The following TTC29 variants were observed in gnomAD, a reference collection of about 807,000 sequenced individuals.
The protein encoded by TTC29 is tetratricopeptide repeat domain 29.
TTC29 carries 49 observed loss-of-function variants against 58.1 expected under a neutral mutation model. That is an observed-to-expected ratio of 0.84 (90% CI 0.67 to 1.07). TTC29 has a LOEUF of 1.07. Ranked by LOEUF, TTC29 falls within the 50% of genes least tolerant of loss-of-function variation. TTC29 has a pLI of 0.00. For missense variants in TTC29, 582 were observed against 555.6 expected, an observed-to-expected ratio of 1.05 and a Z score of -0.48; for synonymous variants, 209 against 196.8, an observed-to-expected ratio of 1.06 and a Z score of -0.52.
intron 11 of TTC29, among the ~76,000 whole-genome samples, chr4:146,788,563 C>G (rs1005520507): frequency 3.3e-5 from 5 of 151,732 alleles, no homozygotes; most frequent in Non-Finnish European, 5.9e-5. Flanking sequence ...AGAAAAACTT[C>G]CCACACCATT....
Position 146,851,342 on chromosome 4 carries a change from G to T in TTC29, c.885+16156C>A, listed in dbSNP as rs185631120. On this transcript the variant is annotated intron_variant, in intron 8 of 12. Coordinates refer to ENST00000325106, the MANE Select transcript of TTC29 (RefSeq NM_031956.4). ...TTCAGGATTAGAAGTGTCAGGAACAGGATTTGCAGTCAGGCACTGTGATTC... is the reference window on the plus strand; with the variant it reads ...TTCAGGATTAGAAGTGTCAGGAACATGATTTGCAGTCAGGCACTGTGATTC... 3.9e-5 allele frequency among the ~76,000 whole-genome samples: 6 copies of T among 152,290 alleles called. No individual in the cohort carries two copies. The East Asian group carries it at 1.2e-3, about 29-fold the overall frequency.
At chr4:146,889,512 T>C (rs1009663086) in intron 6 of TTC29, among the ~76,000 whole-genome samples, 1 of 152,160 alleles carries the variant, frequency 6.6e-6, no homozygotes, top group Non-Finnish European at 1.5e-5. Context: ...ATTTTGTGTA[T>C]TTGATGGGTT....
chr4:146,874,672 T>C (rs1731136810), intron 7 of TTC29, 44 bp downstream of exon 7: 2 of 1,433,412 alleles, frequency 1.4e-6, no homozygotes, highest in Non-Finnish European at 1.9e-6. Context: ...AAACAGTGTC[T>C]ACCCATTAAA....
chr4:146,819,162 A>G (rs1023818762), intron 10 of TTC29, among the ~76,000 whole-genome samples: 1 of 151,786 alleles, frequency 6.6e-6, no homozygotes, highest in African/African-American at 2.4e-5. Context: ...TAAAAAAAAG[A>G]TAGTACTTCT....
chr4:146,729,859 G>T (rs1744198772), intron 11 of TTC29, among the ~76,000 whole-genome samples: 1 of 151,810 alleles, frequency 6.6e-6, no homozygotes, highest in East Asian at 1.9e-4. Flanking sequence ...GGGGGAAACT[G>T]CCCCCAAGAT....
At chr4:146,917,632 A>G (rs1267469272) in intron 4 of TTC29, among the ~76,000 whole-genome samples, 2 of 145,210 alleles carry the variant, frequency 1.4e-5, no homozygotes, top group African/African-American at 4.9e-5. Context: ...TAGATATTAT[A>G]TAAATTATAT....
At chr4:146,837,474 C>A (rs1054898152) in intron 8 of TTC29, among the ~76,000 whole-genome samples, 3 of 152,148 alleles carry the variant, frequency 2.0e-5, no homozygotes, top group South Asian at 2.1e-4. Context: ...AACAATCCTG[C>A]ACATGTACCG....
intron 11 of TTC29, among the ~76,000 whole-genome samples, chr4:146,738,885 G>C (rs971794800): frequency 7.2e-5 from 11 of 152,136 alleles, no homozygotes; most frequent in African/African-American, 2.4e-4. Flanking sequence ...GTGGTTCCTG[G>C]TGGGTGGCAC....
In TTC29 at chr4:146,820,196, C is replaced by A. The variant is rs371348657; in HGVS notation, c.1030G>T (p.Ala344Ser). The A allele has an allele frequency of 1.4e-5, 22 of 1,612,856 alleles. No homozygotes were observed. Among genetic ancestry groups the A allele is most frequent in the East Asian group, 2.2e-5 (1 of 44,844 alleles). ...IKYLKKFVKI[A>S]RNNFQSLDLV... ...TCTAGGCTTTGAAAATTGTTTCTTG[C>A]AATTTTCACAAATTTTTTCAAGTAT... Residue 344 changes from alanine to serine, a missense_variant, in exon 10 of 13, where the codon GCA (alanine) becomes TCA (serine). Transcript: ENST00000325106.
chr4:146,879,228 T>C (rs1731466042), intron 6 of TTC29, among the ~76,000 whole-genome samples: 1 of 152,192 alleles, frequency 6.6e-6, no homozygotes, highest in South Asian at 2.1e-4. Flanking sequence ...TATGATATAG[T>C]AGAATATTTG....
chr4:146,911,831 C>T (rs1206814699), intron 4 of TTC29, among the ~76,000 whole-genome samples: 1 of 152,166 alleles, frequency 6.6e-6, no homozygotes, highest in Admixed American at 6.5e-5. Flanking sequence ...TTGGCCAGAA[C>T]CCTGTCACAG....
intron 4 of TTC29, among the ~76,000 whole-genome samples, chr4:146,915,780 C>A (rs1734182303): frequency 6.6e-6 from 1 of 151,498 alleles, no homozygotes; most frequent in African/African-American, 2.4e-5. Flanking sequence ...ATATTTTTTT[C>A]ATAGGATAAA....
intron 6 of TTC29, among the ~76,000 whole-genome samples, chr4:146,882,040 G>C (rs903661553): frequency 6.6e-6 from 1 of 152,130 alleles, no homozygotes; most frequent in African/African-American, 2.4e-5. Flanking sequence ...ATATTGACCA[G>C]ACAATGTAAA....
chr4:146,766,940 G>A (rs978262003), intron 11 of TTC29, among the ~76,000 whole-genome samples: 1 of 151,982 alleles, frequency 6.6e-6, no homozygotes, highest in Admixed American at 6.6e-5. Context: ...AAAGATAATT[G>A]ACAAATTCCA....
chr4:146,781,531 C>A (rs1028800361), intron 11 of TTC29, among the ~76,000 whole-genome samples: 1 of 151,772 alleles, frequency 6.6e-6, no homozygotes, highest in African/African-American at 2.4e-5. Context: ...ATATACATGA[C>A]AAATCAGTAG....
intron 11 of TTC29, among the ~76,000 whole-genome samples, chr4:146,790,312 C>G (rs1383014373): frequency 1.3e-5 from 2 of 152,024 alleles, no homozygotes; most frequent in Non-Finnish European, 2.9e-5. Flanking sequence ...CCTCAGCCTC[C>G]TAAGTAGCTG....
At chr4:146,945,526 C>T (rs1034068744) in intron 1 of TTC29, 183 bp downstream of exon 1, 7 of 152,540 alleles carry the variant, frequency 4.6e-5, no homozygotes, top group Admixed American at 4.6e-4. Context: ...GGCGCCTTTC[C>T]CTACTTCTCT....
intron 8 of TTC29, among the ~76,000 whole-genome samples, chr4:146,851,593 C>T (rs1729519762): frequency 6.6e-6 from 1 of 152,166 alleles, no homozygotes; most frequent in Non-Finnish European, 1.5e-5. Flanking sequence ...TAGTAGATAG[C>T]AAATTTGCAT....
intron 11 of TTC29, among the ~76,000 whole-genome samples, chr4:146,744,301 G>A (rs542482456): frequency 6.6e-6 from 1 of 152,156 alleles, no homozygotes; most frequent in South Asian, 2.1e-4. Context: ...GGAGGCTGAG[G>A]AGGGAGGATC....
Sources: allele counts gnomAD v4.1 joint callset (sites outside exome capture counted in the v4.1 genomes callset), GRCh38; gene constraint gnomAD v4.1.1; transcripts MANE v1.5; gene names NCBI Gene and HGNC (gene_info 2026-07-23, HGNC 2026-07-21).